Variants in SPIN1 observed in about 807,000 individuals in gnomAD.
The protein encoded by SPIN1 is spindlin 1.
Under a neutral mutation model 26.0 loss-of-function variants are expected in SPIN1, and 3 were observed. That is an observed-to-expected ratio of 0.12 (90% CI 0.05 to 0.30). The LOEUF is 0.30. Among genes scored for constraint, SPIN1 ranks in the 10% least tolerant of loss-of-function variants. SPIN1 has a pLI of 1.00. For synonymous variants in SPIN1, 101 were observed against 116.5 expected, an observed-to-expected ratio of 0.87 and a Z score of 0.86; for missense variants, 126 against 333.4, an observed-to-expected ratio of 0.38 and a Z score of 4.84.
intron 1 of SPIN1, among the ~76,000 whole-genome samples, chr9:88,397,317 G>A (rs368233622): frequency 1.3e-4 from 20 of 152,170 alleles, no homozygotes; most frequent in South Asian, 4.1e-4. Flanking sequence ...GGTGGTGCAT[G>A]ACTAATTACT....
chr9:88,390,347 C>A (rs912951340), intron 1 of SPIN1, among the ~76,000 whole-genome samples: 4 of 152,090 alleles, frequency 2.6e-5, no homozygotes, highest in African/African-American at 9.7e-5. Context: ...GATGTGTGCC[C>A]CTCTGCATTT....
At chr9:88,463,538 A>G (rs556037959) in intron 4 of SPIN1, among the ~76,000 whole-genome samples, 10 of 152,324 alleles carry the variant, frequency 6.6e-5, no homozygotes, top group African/African-American at 1.4e-4. Flanking sequence ...TTTGGGATCA[A>G]ATTGTCACAG....
chr9:88,441,727 G>A (rs974047990), intron 2 of SPIN1, among the ~76,000 whole-genome samples: 21 of 151,078 alleles, frequency 1.4e-4, no homozygotes, highest in African/African-American at 5.1e-4. Context: ...CCGCAGTCCA[G>A]CCTGGGCCAC....
At chr9:88,428,413 T>C (rs1027248045) in intron 2 of SPIN1, among the ~76,000 whole-genome samples, 6 of 152,196 alleles carry the variant, frequency 3.9e-5, no homozygotes, top group East Asian at 1.9e-4. Context: ...CTCCAACTTA[T>C]GAGTGAGAAT....
chr9:88,433,616 T>C (rs1827930796), intron 2 of SPIN1, among the ~76,000 whole-genome samples: 1 of 152,198 alleles, frequency 6.6e-6, no homozygotes, highest in East Asian at 1.9e-4. Context: ...TCTTTGGAGA[T>C]GGATTGTCAG....
chr9:88,462,570 A>G lies in SPIN1; in HGVS notation c.176A>G (p.Gln59Arg). The G allele has an allele frequency of 6.2e-7, 1 of 1,614,194 alleles. No individual in the cohort carries two copies. Among genetic ancestry groups the G allele is most frequent in the Non-Finnish European group, 8.5e-7 (1 of 1,180,020 alleles). ...PRRNIVGCRIQHGWKEGNGPV... is the reference protein window; with the variant it reads ...PRRNIVGCRIRHGWKEGNGPV... ...CGGAACATCGTAGGCTGCAGGATTC[A>G]GCATGGGTGGAAAGAGGGGAATGGC... The change falls in exon 4 of 6, where the codon CAG becomes CGG. Residue 59 changes from glutamine to arginine, a missense_variant. This residue lies in a region of SPIN1 where 63 missense variants were observed against 101.3 expected (regional missense o/e 0.62). Coordinates refer to ENST00000375859, the MANE Select transcript of SPIN1 (RefSeq NM_006717.3).
At chr9:88,459,280 C>T (rs1828531258) in intron 3 of SPIN1, among the ~76,000 whole-genome samples, 1 of 152,144 alleles carries the variant, frequency 6.6e-6, no homozygotes, top group South Asian at 2.1e-4. Flanking sequence ...AGTATTGCTA[C>T]AAAGGATTCT....
rs984834151 is a variant in SPIN1, at chr9:88,477,672, C to A, written c.*2395C>A. 1 of 152,570 alleles carries A rather than the reference C, an allele frequency of 6.6e-6. No individual in the cohort carries two copies. Among genetic ancestry groups the A allele is most frequent in the Non-Finnish European group, 1.5e-5 (1 of 68,040 alleles). 9.5% of individuals were successfully genotyped at this position (152,570 alleles called of 1,614,324 possible). On this transcript the variant is annotated 3_prime_UTR_variant, in exon 6 of 6. Coordinates refer to ENST00000375859, the MANE Select transcript of SPIN1 (RefSeq NM_006717.3). ...TTCATTTTAGGCTCATGTGTCAGATCTGCATGCATTGCTTGCATTTTTCTG... is the reference window on the plus strand; with the variant it reads ...TTCATTTTAGGCTCATGTGTCAGATATGCATGCATTGCTTGCATTTTTCTG...
intron 5 of SPIN1, among the ~76,000 whole-genome samples, chr9:88,469,017 T>C (rs1828724532): frequency 6.6e-6 from 1 of 152,162 alleles, no homozygotes; most frequent in East Asian, 1.9e-4. Flanking sequence ...CCCAAGACAT[T>C]GATTATTTCA....
At chr9:88,402,527 T>A (rs974636285) in intron 1 of SPIN1, among the ~76,000 whole-genome samples, 78 of 150,984 alleles carry the variant, frequency 5.2e-4, no homozygotes, top group Non-Finnish European at 9.0e-4. Flanking sequence ...TTTTTTTTTT[T>A]ATAGCTCCCA....
chr9:88,405,579 C>T (rs1463715529), intron 1 of SPIN1, among the ~76,000 whole-genome samples: 10 of 112,996 alleles, frequency 8.8e-5, no homozygotes, highest in African/African-American at 3.3e-4. Flanking sequence ...GTTTCGCTCT[C>T]GTTACCCAGG....
At chr9:88,467,861 A>C (rs1338057467) in intron 4 of SPIN1, among the ~76,000 whole-genome samples, 1 of 151,900 alleles carries the variant, frequency 6.6e-6, no homozygotes, top group Non-Finnish European at 1.5e-5. Context: ...AAAAAAACAA[A>C]AAAAAAACCC....
intron 4 of SPIN1, among the ~76,000 whole-genome samples, chr9:88,466,724 A>G (rs938702206): frequency 1.3e-5 from 2 of 152,056 alleles, no homozygotes; most frequent in South Asian, 2.1e-4. Context: ...AGGAGAGCTA[A>G]TTGTTTGTTG....
intron 1 of SPIN1, among the ~76,000 whole-genome samples, chr9:88,401,192 A>G (rs1175876356): frequency 6.6e-6 from 1 of 152,196 alleles, no homozygotes; most frequent in Non-Finnish European, 1.5e-5. Context: ...GTATAGATGA[A>G]TTTGGACAGT....
intron 1 of SPIN1, among the ~76,000 whole-genome samples, chr9:88,411,695 A>G (rs1029616153): frequency 4.6e-5 from 7 of 151,910 alleles, no homozygotes; most frequent in Admixed American, 6.6e-5. Flanking sequence ...TTAAATTTTT[A>G]GTAGAGATGA....
At chr9:88,407,656 T>C (rs900444100) in intron 1 of SPIN1, among the ~76,000 whole-genome samples, 2 of 149,788 alleles carry the variant, frequency 1.3e-5, no homozygotes, top group Non-Finnish European at 3.0e-5. Flanking sequence ...AATTTTTTTT[T>C]AAATTAAAAA....
chr9:88,467,263 A>C (rs1587816057), intron 4 of SPIN1, among the ~76,000 whole-genome samples: 1 of 152,182 alleles, frequency 6.6e-6, no homozygotes, highest in African/African-American at 2.4e-5. Flanking sequence ...TCCCAACCAC[A>C]TGGGGTATCT....
intron 1 of SPIN1, among the ~76,000 whole-genome samples, chr9:88,388,884 G>GGGCGGGGAGGCC (rs1826850917): frequency 6.6e-6 from 1 of 151,020 alleles, no homozygotes; most frequent in South Asian, 2.1e-4. Flanking sequence ...GTTTGGAGCC[G>GGGCGGGGAGGCC]GGCGGGGAGG....
At chr9:88,446,656 C>A (rs1196153888) in intron 2 of SPIN1, among the ~76,000 whole-genome samples, 1 of 152,130 alleles carries the variant, frequency 6.6e-6, no homozygotes. Context: ...GATCCACCCT[C>A]CTCTGTCTCC....
Sources: gnomAD v4.1 joint callset for allele counts (sites outside exome capture counted in the v4.1 genomes callset) on GRCh38, gnomAD v4.1.1 for gene constraint, gnomAD v4.1.1 regional missense constraint, MANE v1.5 for transcripts, NCBI Gene and HGNC (gene_info 2026-07-23, HGNC 2026-07-21) for gene names.